STARD13: variants seen among roughly 807,000 people sequenced by gnomAD.
STARD13 encodes the protein StAR related lipid transfer domain containing 13.
In STARD13, 62 loss-of-function variants were observed where a neutral mutation model predicts 106.4. The observed-to-expected ratio is 0.58, with a 90% CI of 0.48 to 0.72. The LOEUF (loss-of-function observed/expected upper bound fraction) is 0.72. Among genes scored for constraint, STARD13 ranks in the 30% least tolerant of loss-of-function variants. The pLI is 0.00. For synonymous variants in STARD13, 565 were observed against 553.0 expected (o/e 1.02, Z -0.31); for missense variants, 1,387 against 1,424.0 (o/e 0.97, Z 0.42).
chr13:33,630,521 C>G, the STARD13 span, among the ~76,000 whole-genome samples: 1 of 151,368 alleles, frequency 6.6e-6, no homozygotes, highest in African/African-American at 2.4e-5. Flanking sequence ...AGAGATTCAA[C>G]GTAGTCACTC....
chr13:33,670,450 G>C, the STARD13 span, among the ~76,000 whole-genome samples: 1 of 152,096 alleles, frequency 6.6e-6, no homozygotes, highest in African/African-American at 2.4e-5. Flanking sequence ...AAATCCTAAA[G>C]TCTTATTTCA....
chr13:33,439,071 T>C, the STARD13 span, among the ~76,000 whole-genome samples: 1 of 152,202 alleles, frequency 6.6e-6, no homozygotes, highest in Non-Finnish European at 1.5e-5. Context: ...TAAATGACCG[T>C]ATGAAGTGAG....
At chr13:33,425,093 G>A in the STARD13 span, among the ~76,000 whole-genome samples, 1 of 152,200 alleles carries the variant, frequency 6.6e-6, no homozygotes, top group Non-Finnish European at 1.5e-5. Flanking sequence ...CTGAGAAGAT[G>A]AACAAAAACT....
At chr13:33,387,798 G>A in the STARD13 span, among the ~76,000 whole-genome samples, 1 of 152,212 alleles carries the variant, frequency 6.6e-6, no homozygotes, top group Non-Finnish European at 1.5e-5. Flanking sequence ...TGTATAGCCT[G>A]TGTTTCAAAG....
chr13:33,324,522 G>A (rs1321420429), intron 1 of STARD13, among the ~76,000 whole-genome samples: 1 of 152,166 alleles, frequency 6.6e-6, no homozygotes, highest in Non-Finnish European at 1.5e-5. Flanking sequence ...GAAAATTAGA[G>A]TTTGAGCTTC....
At chr13:33,165,575 C>T (rs545095255) in intron 2 of STARD13, among the ~76,000 whole-genome samples, 157 bp from the exon 3 acceptor site, 1 of 152,318 alleles carries the variant, frequency 6.6e-6, no homozygotes, top group South Asian at 2.1e-4. Context: ...AAATTGCTAT[C>T]ACTGTAAATG....
the STARD13 span, among the ~76,000 whole-genome samples, chr13:33,464,637 G>A: frequency 1.3e-5 from 2 of 152,122 alleles, no homozygotes; most frequent in Admixed American, 1.3e-4. Flanking sequence ...ATCACTTGAG[G>A]CAAGAACTCA....
chr13:33,623,870 A>G, the STARD13 span, among the ~76,000 whole-genome samples: 37 of 152,238 alleles, frequency 2.4e-4, no homozygotes, highest in Non-Finnish European at 1.8e-4. Flanking sequence ...GCTCAACACC[A>G]TTCATTATTA....
the STARD13 span, among the ~76,000 whole-genome samples, chr13:33,402,308 C>G: frequency 2.0e-5 from 3 of 152,166 alleles, no homozygotes; most frequent in Non-Finnish European, 4.4e-5. Context: ...TAGAAACAAG[C>G]TGTGTAGTTC....
intron 1 of STARD13, among the ~76,000 whole-genome samples, chr13:33,224,495 AG>A (rs1394402922): frequency 5.3e-5 from 8 of 152,204 alleles, no homozygotes; most frequent in African/African-American, 1.7e-4. Flanking sequence ...TCAAGGACAC[AG>A]CGTGATGGAG....
At chr13:33,660,858 C>T in the STARD13 span, among the ~76,000 whole-genome samples, 24 of 152,290 alleles carry the variant, frequency 1.6e-4, no homozygotes, top group Admixed American at 2.6e-4. Context: ...TGCTGGGATT[C>T]TAGATGTGAA....
intron 1 of STARD13, among the ~76,000 whole-genome samples, chr13:33,245,007 A>G (rs1412949805): frequency 6.6e-6 from 1 of 152,222 alleles, no homozygotes; most frequent in Admixed American, 6.5e-5. Flanking sequence ...TCTCCTTAAC[A>G]CTGGCAAGGA....
chr13:33,352,441 C>A (rs2078087844), upstream of STARD13, among the ~76,000 whole-genome samples: 1 of 152,236 alleles, frequency 6.6e-6, no homozygotes, highest in African/African-American at 2.4e-5. Context: ...ACCATTCAAG[C>A]TATTTCAGTG....
chr13:33,396,872 A>T, the STARD13 span, among the ~76,000 whole-genome samples: 1 of 152,206 alleles, frequency 6.6e-6, no homozygotes, highest in Non-Finnish European at 1.5e-5. Context: ...TTAGCCCTAT[A>T]ATCACCCCCA....
At chr13:33,635,900 C>T in the STARD13 span, among the ~76,000 whole-genome samples, 2 of 148,246 alleles carry the variant, frequency 1.3e-5, no homozygotes, top group South Asian at 2.2e-4. Context: ...AGGAGAATGG[C>T]GTGAACCCGG....
intron 1 of STARD13, among the ~76,000 whole-genome samples, chr13:33,230,774 T>C (rs1299430406): frequency 6.6e-6 from 1 of 152,244 alleles, no homozygotes; most frequent in Non-Finnish European, 1.5e-5. Context: ...GATTAATTTG[T>C]TCAGTTTATG....
chr13:33,508,974 G>A, the STARD13 span, among the ~76,000 whole-genome samples: 243 of 152,296 alleles, frequency 1.6e-3, no homozygotes, highest in African/African-American at 5.4e-3. Flanking sequence ...AAGTATTTGT[G>A]TATGTAAACA....
chr13:33,446,004 T>A, the STARD13 span, among the ~76,000 whole-genome samples: 2 of 152,058 alleles, frequency 1.3e-5, no homozygotes, highest in African/African-American at 4.8e-5. Flanking sequence ...ACCCAATAGA[T>A]CATGTACAAA....
chr13:33,182,367 C>A (rs1885322706), intron 1 of STARD13, among the ~76,000 whole-genome samples: 1 of 152,186 alleles, frequency 6.6e-6, no homozygotes, highest in South Asian at 2.1e-4. Context: ...TTCTTAGATT[C>A]ATTCTGTCTC....
Sources: allele counts gnomAD v4.1 joint callset (sites outside exome capture counted in the v4.1 genomes callset), GRCh38; gene constraint gnomAD v4.1.1; transcripts MANE v1.5; gene names NCBI Gene and HGNC (gene_info 2026-07-23, HGNC 2026-07-21).